EYS: variants seen among roughly 807,000 people sequenced by gnomAD.
EYS encodes EGF-like photoreceptor maintenance factor.
In EYS, 250 loss-of-function variants were observed where a neutral mutation model predicts 282.1. That is an observed-to-expected ratio of 0.89 (90% CI 0.80 to 0.98). The LOEUF (loss-of-function observed/expected upper bound fraction) is 0.98. Among genes scored for constraint, EYS ranks in the 50% least tolerant of loss-of-function variants. The pLI is 0.00. For missense variants in EYS, 4,016 were observed against 3,709.0 expected, an observed-to-expected ratio of 1.08 and a Z score of -2.15; for synonymous variants, 1,355 against 1,282.9, an observed-to-expected ratio of 1.06 and a Z score of -1.20.
At chr6:64,430,519 G>C (rs1363978001) in intron 28 of EYS, among the ~76,000 whole-genome samples, 1 of 152,040 alleles carries the variant, frequency 6.6e-6, no homozygotes, top group Admixed American at 6.6e-5. Context: ...TAAAAACCAA[G>C]ATTAAAAGAA....
At chr6:63,766,839 T>C (rs943813263) in intron 40 of EYS, among the ~76,000 whole-genome samples, 17 of 151,836 alleles carry the variant, frequency 1.1e-4, no homozygotes, top group Admixed American at 4.6e-4. Context: ...GTTAGTGAAA[T>C]AGGGACAACT....
At chr6:65,428,115 C>T (rs966336373) in intron 5 of EYS, among the ~76,000 whole-genome samples, 4 of 151,870 alleles carry the variant, frequency 2.6e-5, no homozygotes, top group Non-Finnish European at 5.9e-5. Context: ...TGTACAATGG[C>T]CTCTTTTATA....
At chr6:64,053,128 C>T (rs896967945) in intron 33 of EYS, among the ~76,000 whole-genome samples, 16 of 151,958 alleles carry the variant, frequency 1.1e-4, no homozygotes, top group African/African-American at 3.6e-4. Context: ...TTTCTACCCC[C>T]TTTTTTTGAA....
intron 42 of EYS, 62 bp from the exon 43 acceptor site, chr6:63,721,859 G>A (rs1768409941): frequency 2.1e-6 from 3 of 1,430,986 alleles, no homozygotes; most frequent in African/African-American, 1.4e-5. Flanking sequence ...GAAAACTTTT[G>A]CTGTTTCTGG....
At chr6:64,751,455 C>T (rs542988509) in intron 22 of EYS, among the ~76,000 whole-genome samples, 2 of 152,302 alleles carry the variant, frequency 1.3e-5, no homozygotes, top group South Asian at 4.1e-4. Context: ...CCCCCGGACT[C>T]CTCATTGGAG....
At chr6:64,713,381 G>T (rs1479976198) in intron 22 of EYS, 1 of 152,096 alleles carries the variant, frequency 6.6e-6, no homozygotes, top group East Asian at 1.9e-4. Context: ...CTTTCATGAT[G>T]CTGTCAGCGT....
chr6:64,717,138 T>C (rs1246434665), intron 22 of EYS, among the ~76,000 whole-genome samples: 1 of 152,108 alleles, frequency 6.6e-6, no homozygotes, highest in Non-Finnish European at 1.5e-5. Flanking sequence ...GAAAAAGGTA[T>C]AGATGGAAGT....
rs568426243 is a variant in EYS, at chr6:64,093,662, G to A, written c.6425-11660C>T. ...GCTTTAGAAGATTTTGGGCTGAGAT[G>A]ATGGGGTTTTCTAGATATACAATCA... On this transcript the variant is annotated intron_variant, in intron 31 of 42. Coordinates refer to ENST00000503581, the MANE Select transcript of EYS (RefSeq NM_001142800.2). 3.3e-5 allele frequency among the ~76,000 whole-genome samples: 5 copies of A among 152,260 alleles called. No homozygotes were observed. In the East Asian group the frequency reaches 7.7e-4, roughly 24 times the overall value.
At chr6:64,720,439 T>C (rs1400997128) in intron 22 of EYS, among the ~76,000 whole-genome samples, 4 of 152,206 alleles carry the variant, frequency 2.6e-5, no homozygotes, top group Admixed American at 6.5e-5. Flanking sequence ...AGGTTCTTGG[T>C]ATTAGGATTT....
intron 30 of EYS, among the ~76,000 whole-genome samples, chr6:64,306,285 G>A (rs975084796): frequency 6.6e-6 from 1 of 152,074 alleles, no homozygotes; most frequent in African/African-American, 2.4e-5. Context: ...GAGCTTTTAT[G>A]CTGTCCTGTG....
intron 12 of EYS, among the ~76,000 whole-genome samples, chr6:65,294,545 A>G (rs564766207): frequency 1.3e-4 from 19 of 151,972 alleles, no homozygotes; most frequent in Middle Eastern, 3.4e-3. Context: ...TTTATACACA[A>G]TATATATTTA....
intron 36 of EYS, among the ~76,000 whole-genome samples, chr6:63,823,802 C>A (rs1163124365): frequency 2.6e-5 from 4 of 151,674 alleles, no homozygotes; most frequent in Non-Finnish European, 5.9e-5. Flanking sequence ...TCATTTGTTT[C>A]AGCTACATTT....
At chr6:65,379,070 A>ATAAC (rs1307235456) in intron 8 of EYS, among the ~76,000 whole-genome samples, 2 of 151,708 alleles carry the variant, frequency 1.3e-5, no homozygotes, top group Non-Finnish European at 1.5e-5. Context: ...AAATAAATAA[A>ATAAC]ATAAAACAGA....
At chr6:63,754,237 C>T (rs1364352966) in intron 41 of EYS, among the ~76,000 whole-genome samples, 1 of 151,944 alleles carries the variant, frequency 6.6e-6, no homozygotes, top group East Asian at 1.9e-4. Flanking sequence ...TACATGTGCA[C>T]AACATGCAGG....
intron 40 of EYS, among the ~76,000 whole-genome samples, chr6:63,767,704 T>G (rs992791670): frequency 1.3e-5 from 2 of 151,990 alleles, no homozygotes; most frequent in Non-Finnish European, 2.9e-5. Flanking sequence ...ACCAACATAA[T>G]TTTTCACAGA....
At position 65,007,206 on chromosome 6, in the gene EYS, A is replaced by G. The variant is rs899709210; in HGVS notation, c.2138-9503T>C. Among the ~76,000 whole-genome samples, 50 of 152,150 alleles carry G rather than the reference A, an allele frequency of 3.3e-4. 1 individual carries two copies. Among genetic ancestry groups the G allele is most frequent in the Admixed American group, 1.9e-3 (29 of 15,286 alleles). On this transcript the variant is annotated intron_variant, in intron 13 of 42. Coordinates refer to ENST00000503581, the MANE Select transcript of EYS (RefSeq NM_001142800.2). ...GTTACGCACCTAGAAAGGAATAAGC[A>G]TTAGGACCATAGAGGATGCTCTAGG...
intron 19 of EYS, among the ~76,000 whole-genome samples, chr6:64,857,649 C>T (rs71570697): frequency 0.061 from 9,343 of 152,110 alleles, 378 homozygotes; most frequent in African/African-American, 0.11. Flanking sequence ...GATCATATGG[C>T]ATTTCTATTT....
rs12193967 is a variant in EYS, at chr6:65,495,052, G to C, written c.359C>G (p.Thr120Arg). The C allele has an allele frequency of 1.1e-5, 17 of 1,613,924 alleles. No homozygotes were observed. In the East Asian group the frequency reaches 2.7e-4, roughly 25 times the overall value. ...SFVGCVQNTT[T>R]EDQLLFGCRL... ...GCAGCCAAAAAGTAACTGATCTTCC[G>C]TTGTGGTATTTTGCACACAGCCAAC... Residue 120 changes from threonine to arginine, a missense_variant, in exon 4 of 43, where the codon ACG (threonine) becomes AGG (arginine). Transcript: ENST00000503581.
intron 12 of EYS, among the ~76,000 whole-genome samples, chr6:65,147,037 G>A (rs1561990272): frequency 1.3e-5 from 2 of 151,800 alleles, no homozygotes; most frequent in South Asian, 4.2e-4. Flanking sequence ...TTTTTGTATG[G>A]ATTTCTTCTT....
Sources: allele counts gnomAD v4.1 joint callset (sites outside exome capture counted in the v4.1 genomes callset), GRCh38; gene constraint gnomAD v4.1.1; transcripts MANE v1.5; gene names NCBI Gene and HGNC (gene_info 2026-07-23, HGNC 2026-07-21).